The following AGFG1 variants were observed in gnomAD, a reference collection of about 807,000 sequenced individuals.
AGFG1 encodes the protein ArfGAP with FG repeats 1.
AGFG1 carries 10 observed loss-of-function variants against 60.6 expected under a neutral mutation model. The observed-to-expected ratio is 0.16, with a 90% CI of 0.10 to 0.28. The LOEUF (loss-of-function observed/expected upper bound fraction) is 0.28, where lower values mean the gene tolerates loss of function less well. Ranked by LOEUF, AGFG1 falls within the 10% of genes least tolerant of loss-of-function variation. The probability of loss-of-function intolerance (pLI) is 1.00; values close to 1 mark genes in which losing one functional copy is unlikely to be tolerated. For synonymous variants in AGFG1, 247 were observed against 242.9 expected (o/e 1.02, Z -0.16); for missense variants, 537 against 676.5 (o/e 0.79, Z 2.29).
At chr2:227,499,898 G>C (rs185437771) in intron 2 of AGFG1, among the ~76,000 whole-genome samples, 2 of 152,312 alleles carry the variant, frequency 1.3e-5, no homozygotes, top group East Asian at 3.9e-4. Flanking sequence ...GACGCAGCCC[G>C]AGTGCTACCT....
intron 1 of AGFG1, among the ~76,000 whole-genome samples, chr2:227,478,278 A>G (rs985542589): frequency 2.5e-4 from 38 of 151,010 alleles, no homozygotes; most frequent in African/African-American, 9.0e-4. Context: ...ATACATATAC[A>G]TGTATCTATT....
chr2:227,538,263 T>C (rs1692372947), intron 10 of AGFG1, among the ~76,000 whole-genome samples: 1 of 152,244 alleles, frequency 6.6e-6, no homozygotes, highest in Non-Finnish European at 1.5e-5. Context: ...GTGTGACAGC[T>C]GAGGGAACAG....
At chr2:227,508,081 TG>T (rs1186547706) in intron 2 of AGFG1, among the ~76,000 whole-genome samples, 4 of 152,246 alleles carry the variant, frequency 2.6e-5, no homozygotes, top group African/African-American at 9.6e-5. Context: ...CCCCACCTCT[TG>T]GTTTATTTAC....
intron 2 of AGFG1, among the ~76,000 whole-genome samples, chr2:227,506,049 T>C (rs564090841): frequency 2.6e-5 from 4 of 152,214 alleles, no homozygotes; most frequent in African/African-American, 9.6e-5. Flanking sequence ...GCCTGTAATA[T>C]GTTTTTGAAT....
At chr2:227,512,099 A>G (rs1002800644) in intron 2 of AGFG1, among the ~76,000 whole-genome samples, 5 of 152,202 alleles carry the variant, frequency 3.3e-5, no homozygotes, top group Non-Finnish European at 5.9e-5. Context: ...CGGATTTCAT[A>G]TCGCCTAAGT....
At chr2:227,482,826 G>C (rs1033780141) in intron 1 of AGFG1, among the ~76,000 whole-genome samples, 1 of 152,166 alleles carries the variant, frequency 6.6e-6, no homozygotes. Flanking sequence ...TACCTGGGTG[G>C]TGGTCATTAA....
Position 227,534,907 on chromosome 2 carries a change from G to T in AGFG1, c.1087G>T (p.Val363Phe). Residue 363 changes from valine to phenylalanine, a missense_variant, in exon 8 of 13, where the codon GTT becomes TTT. This residue lies in a region of AGFG1 where 287 missense variants were observed against 343.6 expected (regional missense o/e 0.84). Coordinates refer to ENST00000310078, the MANE Select transcript of AGFG1 (RefSeq NM_004504.5). ...AGCTCCTGTTGGTTCTGTGGTTTCA[G>T]TTCCCAGTCAGTCAAGTGCATCTTC... ...GKAPVGSVVS[V>F]PSQSSASSDK... 1.9e-6 allele frequency: 3 copies of T among 1,613,916 alleles called. 1 individual carries two copies. The highest frequency in any genetic ancestry group is 1.7e-4 in the Middle Eastern group (1 of 6,058).
intron 2 of AGFG1, among the ~76,000 whole-genome samples, chr2:227,496,403 C>G (rs1213860797): frequency 6.7e-6 from 1 of 148,820 alleles, no homozygotes; most frequent in Non-Finnish European, 1.5e-5. Context: ...GATTGCGCCA[C>G]TGCACTCCAG....
intron 10 of AGFG1, among the ~76,000 whole-genome samples, chr2:227,546,956 T>G (rs1020006252): frequency 3.3e-5 from 5 of 151,358 alleles, no homozygotes; most frequent in Admixed American, 3.3e-4. Flanking sequence ...CAGATCTTTG[T>G]TTATTACCTA....
rs1007632581 is a variant in AGFG1, at chr2:227,515,013, G to T, written c.262-4935G>T. On this transcript the variant is annotated intron_variant, in intron 2 of 12. Transcript: ENST00000310078. Reference sequence around the variant, plus strand: ...TCAAGGGTGACTGCAACCTCTACTTGCCAGGCTCAGGTGATTCTCTCACCT... The same window carrying T: ...TCAAGGGTGACTGCAACCTCTACTTTCCAGGCTCAGGTGATTCTCTCACCT... Among the ~76,000 whole-genome samples, 3 of 151,990 alleles carry T rather than the reference G, an allele frequency of 2.0e-5. No individual in the cohort carries two copies. In the South Asian group the frequency reaches 6.2e-4, roughly 32 times the overall value.
At position 227,554,656 on chromosome 2, in the gene AGFG1, C is replaced by A; in HGVS notation, c.*161C>A. ...TAAACACCAGGTAATATGTGCAAAA[C>A]CGAGGGCTCCAGTAACACCTTCTAA... On this transcript the variant is annotated 3_prime_UTR_variant, in exon 13 of 13. Transcript: ENST00000310078. 1.8e-6 allele frequency: 1 copy of A among 563,554 alleles called. No individual in the cohort carries two copies. The highest frequency in any genetic ancestry group is 3.1e-6 in the Non-Finnish European group (1 of 323,684). The allele number at this position is 563,554 out of a possible 1,614,324, so 34.9% of individuals were successfully genotyped here. A position where few individuals can be genotyped will look rare whatever the true frequency, so the allele number is the denominator to read the frequency against.
chr2:227,497,761 T>G (rs200644976), intron 2 of AGFG1, among the ~76,000 whole-genome samples: 596 of 65,026 alleles, frequency 9.2e-3, no homozygotes, highest in East Asian at 0.016. Flanking sequence ...TTTTTTTTTT[T>G]GGGGACGGAG....
intron 1 of AGFG1, among the ~76,000 whole-genome samples, chr2:227,484,930 G>A (rs1486731125): frequency 6.6e-6 from 1 of 151,758 alleles, no homozygotes; most frequent in African/African-American, 2.4e-5. Context: ...GGCTGGTCTC[G>A]AACTCCTGAG....
intron 5 of AGFG1, among the ~76,000 whole-genome samples, chr2:227,529,137 C>CA (rs1476309438): frequency 2.0e-5 from 3 of 152,012 alleles, no homozygotes; most frequent in Admixed American, 2.0e-4. Flanking sequence ...CTGAATTACT[C>CA]ATTTATTTTT....
At chr2:227,529,153 T>C (rs1003710262) in intron 5 of AGFG1, among the ~76,000 whole-genome samples, 3 of 152,206 alleles carry the variant, frequency 2.0e-5, no homozygotes, top group African/African-American at 7.2e-5. Context: ...TTTTTCCTTC[T>C]ACTATGGTTG....
intron 2 of AGFG1, among the ~76,000 whole-genome samples, chr2:227,514,808 T>A (rs775982741): frequency 6.6e-6 from 1 of 152,198 alleles, no homozygotes; most frequent in Non-Finnish European, 1.5e-5. Context: ...TAGGTGTCAT[T>A]CTTGCTCCTC....
chr2:227,498,373 A>G (rs998697883), intron 2 of AGFG1, among the ~76,000 whole-genome samples: 57 of 152,332 alleles, frequency 3.7e-4, no homozygotes, highest in African/African-American at 1.3e-3. Context: ...AACATTTTAA[A>G]CTACAAAATT....
chr2:227,500,810 G>T (rs1230483875), intron 2 of AGFG1, among the ~76,000 whole-genome samples: 4 of 148,576 alleles, frequency 2.7e-5, no homozygotes, highest in African/African-American at 7.4e-5. Flanking sequence ...TTTTTTTTTT[G>T]AGACAGAGTT....
At chr2:227,532,154 A>G (rs1464643528) in intron 6 of AGFG1, 3 of 1,547,770 alleles carry the variant, frequency 1.9e-6, no homozygotes, top group East Asian at 2.5e-5. Flanking sequence ...GAATGCTTTC[A>G]TCTAGCTGCA....
Sources: allele counts gnomAD v4.1 joint callset (sites outside exome capture counted in the v4.1 genomes callset), GRCh38; gene constraint gnomAD v4.1.1; regional missense constraint gnomAD v4.1.1; transcripts MANE v1.5; gene names NCBI Gene and HGNC (gene_info 2026-07-23, HGNC 2026-07-21).